SNX10: variants seen among roughly 807,000 people sequenced by gnomAD.
SNX10 encodes the protein sorting nexin-10.
In SNX10, 25 loss-of-function variants were observed where a neutral mutation model predicts 28.5. The ratio of observed to expected loss-of-function variants is 0.88; its 90% confidence interval spans 0.64 to 1.22. SNX10 has a LOEUF of 1.22. SNX10 is among the 50% of genes most tolerant of loss of function. The pLI is 0.00. For synonymous variants in SNX10, 62 were observed against 81.4 expected (o/e 0.76, Z 1.28); for missense variants, 223 against 242.6 (o/e 0.92, Z 0.54).
rs896496401 is a variant in SNX10, at chr7:26,353,078, A to G, written c.24+6612A>G. ...ATACTACTTGTGTAAAGAAACTTGC[A>G]ACATTGTGAGCTATTATAAGTCATG... On this transcript the variant is annotated intron_variant, in intron 2 of 6. Transcript: ENST00000338523. Among the ~76,000 whole-genome samples the G allele has an allele frequency of 2.6e-5, 4 of 152,156 alleles. No individual in the cohort carries two copies. The East Asian group carries it at 7.7e-4, about 29-fold the overall frequency.
intron 2 of SNX10, among the ~76,000 whole-genome samples, chr7:26,350,433 A>G (rs921621261): frequency 2.0e-5 from 3 of 152,180 alleles, no homozygotes; most frequent in Admixed American, 1.3e-4. Flanking sequence ...TGTCTAAGAT[A>G]TGCTTATGCT....
chr7:26,299,385 G>A (rs982445915), intron 1 of SNX10, among the ~76,000 whole-genome samples: 3 of 151,862 alleles, frequency 2.0e-5, no homozygotes, highest in Non-Finnish European at 4.4e-5. Flanking sequence ...TAGTAGAGAC[G>A]GGGTTTCACC....
chr7:26,327,043 T>C (rs935691263), intron 1 of SNX10, among the ~76,000 whole-genome samples: 4 of 151,136 alleles, frequency 2.6e-5, no homozygotes, highest in African/African-American at 9.7e-5. Context: ...CTCTGCCTCC[T>C]GGGTTCAAGC....
intron 1 of SNX10, among the ~76,000 whole-genome samples, chr7:26,328,221 G>C (rs543037827): frequency 6.6e-6 from 1 of 152,250 alleles, no homozygotes; most frequent in South Asian, 2.1e-4. Flanking sequence ...GGACTGTAAG[G>C]GCTGGCTGAC....
At chr7:26,358,805 G>GTTTTTTTTTTTTTTTGTTTTTGT (rs1788939092) in intron 2 of SNX10, among the ~76,000 whole-genome samples, 3 of 100,112 alleles carry the variant, frequency 3.0e-5, no homozygotes, top group East Asian at 3.1e-4. Flanking sequence ...GTTATCTTGT[G>GTTTTTTTTTTTTTTTGTTTTTGT]TTTTTTTTTT....
rs149177634 is a variant in SNX10, at chr7:26,372,559, C to G, written c.593C>G (p.Pro198Arg). 6.3e-7 allele frequency: 1 copy of G among 1,591,798 alleles called. No homozygotes were observed. The highest frequency in any genetic ancestry group is 8.6e-7 in the Non-Finnish European group (1 of 1,159,838). ...SSHGCKVNTA[P>R]QES ...CATGGATGTAAAGTAAATACAGCTC[C>G]GCAGGAATCCTGAAAAATAATTCTA... Residue 198 changes from proline (P) to arginine (R), a missense_variant, in exon 7 of 7, where the codon CCG (proline) becomes CGG (arginine). Physicochemically the swap from Pro to Arg is moderately radical, Grantham distance 103. Coordinates refer to ENST00000338523, the MANE Select transcript of SNX10 (RefSeq NM_013322.3).
At chr7:26,360,144 T>C (rs1789007122) in intron 2 of SNX10, among the ~76,000 whole-genome samples, 2 of 152,252 alleles carry the variant, frequency 1.3e-5, no homozygotes, top group African/African-American at 2.4e-5. Flanking sequence ...AAAGAAGGTG[T>C]TCCTCTTTCT....
Position 26,318,034 on chromosome 7 carries a change from G to A in SNX10, c.-24+25948G>A, listed in dbSNP as rs568403465. On this transcript the variant is annotated intron_variant, in intron 1 of 6. Coordinates refer to ENST00000338523, the MANE Select transcript of SNX10 (RefSeq NM_013322.3). ...GGGAAAGGCCTTTATGGGACTGTTG[G>A]TTTGAAGACACATTCAGAATGGAGC... is the stretch of plus-strand genomic sequence containing the variant. Among the ~76,000 whole-genome samples the A allele has an allele frequency of 1.7e-3, 256 of 152,294 alleles. 1 individual carries two copies. Among genetic ancestry groups the A allele is most frequent in the African/African-American group, 5.9e-3 (247 of 41,556 alleles).
At chr7:26,331,627 C>G (rs1787750982) in intron 1 of SNX10, among the ~76,000 whole-genome samples, 1 of 152,152 alleles carries the variant, frequency 6.6e-6, no homozygotes. Context: ...AAAATGCATA[C>G]AGCTCACTGG....
chr7:26,301,397 ATT>A (rs1214136048), intron 1 of SNX10, among the ~76,000 whole-genome samples: 2 of 152,170 alleles, frequency 1.3e-5, no homozygotes, highest in African/African-American at 4.8e-5. Flanking sequence ...TCCTTTTTAG[ATT>A]CAGGCTGGAA....
At chr7:26,327,054 G>A (rs746263708) in intron 1 of SNX10, among the ~76,000 whole-genome samples, 4 of 151,686 alleles carry the variant, frequency 2.6e-5, no homozygotes, top group African/African-American at 7.3e-5. Context: ...GGGTTCAAGC[G>A]GTTCTTGTGC....
At chr7:26,303,249 T>C (rs1025997133) in intron 1 of SNX10, among the ~76,000 whole-genome samples, 2 of 152,226 alleles carry the variant, frequency 1.3e-5, no homozygotes, top group Non-Finnish European at 2.9e-5. Flanking sequence ...TAAGTTAGCA[T>C]TGGAGTTGGG....
intron 2 of SNX10, chr7:26,357,151 G>T: frequency 2.0e-6 from 1 of 503,788 alleles, no homozygotes. Flanking sequence ...AGCACAGTAG[G>T]ATGTGGTGAG....
intron 1 of SNX10, among the ~76,000 whole-genome samples, chr7:26,322,587 A>G (rs564764038): frequency 3.2e-4 from 49 of 151,828 alleles, no homozygotes; most frequent in Non-Finnish European, 5.0e-4. Context: ...TATTTTTACA[A>G]AGCCAAAATT....
At chr7:26,323,418 G>T (rs1000098079) in intron 1 of SNX10, among the ~76,000 whole-genome samples, 1 of 152,118 alleles carries the variant, frequency 6.6e-6, no homozygotes, top group Admixed American at 6.6e-5. Flanking sequence ...AGAGGGCATA[G>T]TAGATGCGAA....
chr7:26,302,579 T>C (rs1314103612), intron 1 of SNX10, among the ~76,000 whole-genome samples: 2 of 152,212 alleles, frequency 1.3e-5, no homozygotes, highest in African/African-American at 4.8e-5. Context: ...CCTCGGGTAA[T>C]ACCTTACTCG....
chr7:26,304,839 G>A (rs1292213565), intron 1 of SNX10, among the ~76,000 whole-genome samples: 3 of 152,064 alleles, frequency 2.0e-5, no homozygotes, highest in African/African-American at 4.8e-5. Flanking sequence ...TTTTAACCCC[G>A]GTGTCATCTT....
intron 1 of SNX10, among the ~76,000 whole-genome samples, chr7:26,298,657 G>A (rs1786201931): frequency 6.6e-6 from 1 of 152,150 alleles, no homozygotes; most frequent in Non-Finnish European, 1.5e-5. Flanking sequence ...AATGGAAAAT[G>A]TTCATTATGC....
intron 1 of SNX10, among the ~76,000 whole-genome samples, chr7:26,316,395 C>T (rs377472055): frequency 3.3e-5 from 5 of 152,158 alleles, no homozygotes; most frequent in Non-Finnish European, 7.4e-5. Flanking sequence ...ATCCTTTAAC[C>T]GTAATGGGTT....
Sources: gnomAD v4.1 joint callset for allele counts (sites outside exome capture counted in the v4.1 genomes callset) on GRCh38, gnomAD v4.1.1 for gene constraint, MANE v1.5 for transcripts, NCBI Gene and HGNC (gene_info 2026-07-23, HGNC 2026-07-21) for gene names.